The following MAF variants were observed in gnomAD, a reference collection of about 807,000 sequenced individuals.
The protein encoded by MAF is MAF bZIP transcription factor.
Under a neutral mutation model 22.0 loss-of-function variants are expected in MAF, and 10 were observed. That is an observed-to-expected ratio of 0.45 (90% confidence interval 0.28 to 0.77). MAF has a LOEUF of 0.77. MAF is among the 30% of genes least tolerant of loss of function. The pLI is 0.12. For missense variants in MAF, 544 were observed against 548.4 expected (o/e 0.99, Z 0.08); for synonymous variants, 337 against 255.8 (o/e 1.32, Z -3.03).
At chr16:79,210,797 C>T in the MAF span, among the ~76,000 whole-genome samples, 4 of 152,060 alleles carry the variant, frequency 2.6e-5, no homozygotes, top group Non-Finnish European at 5.9e-5. Flanking sequence ...GATATGATGC[C>T]TCATCACTGC....
chr16:79,373,648 G>A, the MAF span, among the ~76,000 whole-genome samples: 1 of 151,970 alleles, frequency 6.6e-6, no homozygotes, highest in Non-Finnish European at 1.5e-5. Context: ...AAAGTGCTGG[G>A]ATTACAGGTG....
At chr16:79,495,835 G>A in the MAF span, among the ~76,000 whole-genome samples, 5 of 152,272 alleles carry the variant, frequency 3.3e-5, no homozygotes, top group African/African-American at 7.2e-5. Context: ...CCAGCCACAC[G>A]TCAAGCTTAC....
chr16:79,235,801 A>G, the MAF span, among the ~76,000 whole-genome samples: 2 of 152,112 alleles, frequency 1.3e-5, no homozygotes, highest in African/African-American at 4.8e-5. Context: ...CAGGCACACC[A>G]CTAGCATTAG....
the MAF span, among the ~76,000 whole-genome samples, chr16:79,278,096 G>A: frequency 1.3e-5 from 2 of 152,190 alleles, no homozygotes; most frequent in Non-Finnish European, 2.9e-5. Context: ...ATACAAGTTT[G>A]CTTCTTTCCT....
the MAF span, among the ~76,000 whole-genome samples, chr16:79,550,587 G>C: frequency 6.6e-6 from 1 of 152,174 alleles, no homozygotes; most frequent in Non-Finnish European, 1.5e-5. Context: ...GAGAGAAAAT[G>C]AAGTCAAGGG....
intron 1 of MAF, chr16:79,596,697 G>T: frequency 1.9e-6 from 2 of 1,038,790 alleles, no homozygotes; most frequent in Non-Finnish European, 2.3e-6. Flanking sequence ...TTTAAAGACA[G>T]GATGTCAGTC....
At chr16:79,553,627 A>C in the MAF span, among the ~76,000 whole-genome samples, 1 of 152,354 alleles carries the variant, frequency 6.6e-6, no homozygotes, top group South Asian at 2.1e-4. Flanking sequence ...GCTCGCTCCC[A>C]AAAATGCCAG....
chr16:79,514,543 G>A, the MAF span, among the ~76,000 whole-genome samples: 3 of 152,306 alleles, frequency 2.0e-5, no homozygotes, highest in African/African-American at 7.2e-5. Flanking sequence ...ATTTTCCTAA[G>A]CATTTCCCTG....
At chr16:79,442,694 G>C in the MAF span, among the ~76,000 whole-genome samples, 1 of 152,192 alleles carries the variant, frequency 6.6e-6, no homozygotes, top group African/African-American at 2.4e-5. Flanking sequence ...TTACAGATGT[G>C]AACTACCTTG....
chr16:79,363,456 T>G, the MAF span, among the ~76,000 whole-genome samples: 1 of 152,158 alleles, frequency 6.6e-6, no homozygotes, highest in East Asian at 1.9e-4. Flanking sequence ...CAAAACCAAT[T>G]GTATAATATG....
At chr16:79,517,951 C>G in the MAF span, among the ~76,000 whole-genome samples, 103 of 152,314 alleles carry the variant, frequency 6.8e-4, no homozygotes, top group Middle Eastern at 3.4e-3. Context: ...GTCTTTTTGC[C>G]AAGACCTACA....
the MAF span, among the ~76,000 whole-genome samples, chr16:79,499,807 A>C: frequency 2.7e-3 from 410 of 152,336 alleles, 5 homozygotes; most frequent in African/African-American, 9.6e-3. Context: ...TCAAAAGACA[A>C]AGACACTTCC....
the MAF span, among the ~76,000 whole-genome samples, chr16:79,396,565 C>T: frequency 6.6e-6 from 1 of 152,216 alleles, no homozygotes; most frequent in Non-Finnish European, 1.5e-5. Context: ...TGTTCTGATT[C>T]AATTCCCAAC....
the MAF span, among the ~76,000 whole-genome samples, chr16:79,274,075 C>T: frequency 6.6e-6 from 1 of 151,396 alleles, no homozygotes; most frequent in Non-Finnish European, 1.5e-5. Context: ...CTGCCTCAGC[C>T]TCCCGAGTAG....
chr16:79,250,385 G>C, the MAF span, among the ~76,000 whole-genome samples: 2 of 152,374 alleles, frequency 1.3e-5, no homozygotes, highest in East Asian at 3.9e-4. Context: ...CCGCAACTCA[G>C]CTGTCTCCAA....
the MAF span, among the ~76,000 whole-genome samples, chr16:79,363,307 C>A: frequency 1.2e-4 from 19 of 152,050 alleles, no homozygotes; most frequent in African/African-American, 4.6e-4. Context: ...CCTGATAAAC[C>A]CAACCTAAGT....
the MAF span, among the ~76,000 whole-genome samples, chr16:79,435,411 G>T: frequency 7.4e-4 from 112 of 152,272 alleles, no homozygotes; most frequent in African/African-American, 2.5e-3. Flanking sequence ...AGGAAAACAG[G>T]TACCTTCTGT....
At chr16:79,268,057 T>C in the MAF span, among the ~76,000 whole-genome samples, 1 of 152,122 alleles carries the variant, frequency 6.6e-6, no homozygotes, top group African/African-American at 2.4e-5. Flanking sequence ...GCTGGGTCTC[T>C]GAACTCTCAC....
the MAF span, among the ~76,000 whole-genome samples, chr16:79,263,866 T>C: frequency 6.6e-6 from 1 of 152,170 alleles, no homozygotes; most frequent in African/African-American, 2.4e-5. Context: ...TTGTTGCCAC[T>C]TGCTCCACAA....
Sources: gnomAD v4.1 joint callset for allele counts (sites outside exome capture counted in the v4.1 genomes callset) on GRCh38, gnomAD v4.1.1 for gene constraint, MANE v1.5 for transcripts, NCBI Gene and HGNC (gene_info 2026-07-23, HGNC 2026-07-21) for gene names.